CNTNAP2: variants seen among roughly 807,000 people sequenced by gnomAD.
CNTNAP2 encodes the protein contactin associated protein 2, also known as contactin-associated protein-like 2.
A neutral mutation model predicts 155.2 loss-of-function variants in CNTNAP2; 98 were observed. The ratio of observed to expected loss-of-function variants is 0.63; its 90% CI spans 0.54 to 0.75. The LOEUF is 0.75. Among genes scored for constraint, CNTNAP2 ranks in the 30% least tolerant of loss-of-function variants. CNTNAP2 has a pLI of 0.00. For synonymous variants in CNTNAP2, 651 were observed against 631.2 expected (o/e 1.03, Z -0.47); for missense variants, 1,727 against 1,688.1 (o/e 1.02, Z -0.40).
At chr7:148,412,864 C>A (rs557767355) in intron 23 of CNTNAP2, among the ~76,000 whole-genome samples, 12 of 152,268 alleles carry the variant, frequency 7.9e-5, no homozygotes, top group African/African-American at 2.6e-4. Flanking sequence ...AAAGTTTCTT[C>A]TACTCATAGT....
intron 14 of CNTNAP2, among the ~76,000 whole-genome samples, chr7:147,977,493 A>C (rs962187308): frequency 6.6e-5 from 10 of 152,164 alleles, no homozygotes; most frequent in South Asian, 2.1e-4. Flanking sequence ...ATATTATTCA[A>C]GCGACCAGGT....
intron 9 of CNTNAP2, among the ~76,000 whole-genome samples, chr7:147,363,585 A>G (rs192185361): frequency 2.0e-5 from 3 of 152,326 alleles, no homozygotes; most frequent in Admixed American, 2.0e-4. Flanking sequence ...ATGGATCTGT[A>G]TAAATCTGTA....
chr7:146,912,729 G>T (rs1054727425), intron 3 of CNTNAP2, among the ~76,000 whole-genome samples: 11 of 152,134 alleles, frequency 7.2e-5, no homozygotes, highest in Non-Finnish European at 1.2e-4. Flanking sequence ...TATTTTTCTA[G>T]ACTGTGAAAA....
intron 3 of CNTNAP2, among the ~76,000 whole-genome samples, chr7:146,905,907 G>A (rs1429352893): frequency 2.6e-5 from 4 of 152,224 alleles, no homozygotes; most frequent in Admixed American, 1.3e-4. Context: ...TCACTAGGGA[G>A]TGCCAGACAG....
intron 8 of CNTNAP2, among the ~76,000 whole-genome samples, chr7:147,294,037 C>T (rs1326239218): frequency 6.6e-6 from 1 of 152,118 alleles, no homozygotes; most frequent in Non-Finnish European, 1.5e-5. Flanking sequence ...CGAATTATAA[C>T]AATGGTACAT....
At chr7:146,139,434 G>A (rs1797845313) in intron 1 of CNTNAP2, among the ~76,000 whole-genome samples, 1 of 152,044 alleles carries the variant, frequency 6.6e-6, no homozygotes, top group Non-Finnish European at 1.5e-5. Flanking sequence ...ATTGATATTA[G>A]AATAACTTTT....
intron 12 of CNTNAP2, among the ~76,000 whole-genome samples, chr7:147,590,236 T>A (rs1410948215): frequency 6.6e-6 from 1 of 152,182 alleles, no homozygotes; most frequent in Non-Finnish European, 1.5e-5. Flanking sequence ...AAATTATTGA[T>A]AGCCTGTTAC....
intron 3 of CNTNAP2, among the ~76,000 whole-genome samples, chr7:146,897,634 T>G (rs553947638): frequency 1.3e-5 from 2 of 152,156 alleles, no homozygotes; most frequent in African/African-American, 4.8e-5. Flanking sequence ...GGAAACCTTT[T>G]GAGAGCTAAA....
intron 1 of CNTNAP2, among the ~76,000 whole-genome samples, chr7:146,405,668 G>A (rs748139638): frequency 6.6e-6 from 1 of 152,104 alleles, no homozygotes; most frequent in Admixed American, 6.5e-5. Context: ...TTTGATACTC[G>A]GAAAAATCAG....
chr7:148,095,477 A>C (rs535983805), intron 15 of CNTNAP2, among the ~76,000 whole-genome samples: 1 of 152,294 alleles, frequency 6.6e-6, no homozygotes, highest in East Asian at 1.9e-4. Flanking sequence ...AAGTACACAG[A>C]CTCCAAAACA....
chr7:146,913,293 A>G (rs890558260), intron 3 of CNTNAP2, among the ~76,000 whole-genome samples: 11 of 152,148 alleles, frequency 7.2e-5, no homozygotes, highest in Non-Finnish European at 1.5e-4. Context: ...TGAGGCTGCA[A>G]CATTGGTGCC....
chr7:146,683,026 G>C (rs1294280307), intron 1 of CNTNAP2, among the ~76,000 whole-genome samples: 1 of 151,608 alleles, frequency 6.6e-6, no homozygotes, highest in East Asian at 1.9e-4. Flanking sequence ...ATATAACATT[G>C]TATATAAAGT....
At chr7:146,893,487 G>GGGGA (rs1554405447) in intron 3 of CNTNAP2, among the ~76,000 whole-genome samples, 2 of 149,950 alleles carry the variant, frequency 1.3e-5, no homozygotes, top group African/African-American at 4.9e-5. Flanking sequence ...ATATATATAT[G>GGGGA]GAGAGAGAGA....
intron 18 of CNTNAP2, among the ~76,000 whole-genome samples, chr7:148,212,131 G>GT (rs1795562130): frequency 7.2e-6 from 1 of 138,120 alleles, no homozygotes; most frequent in East Asian, 2.6e-4. Flanking sequence ...TTTGGTTTCT[G>GT]TTTTTTGTGG....
chr7:146,790,836 T>C (rs867954647), intron 2 of CNTNAP2, among the ~76,000 whole-genome samples: 4 of 152,028 alleles, frequency 2.6e-5, no homozygotes, highest in Non-Finnish European at 5.9e-5. Context: ...CCCAAAGTGC[T>C]GGGATTACAG....
chr7:148,310,453 G>C (rs1434187267), intron 21 of CNTNAP2, among the ~76,000 whole-genome samples: 2 of 152,218 alleles, frequency 1.3e-5, no homozygotes, highest in Non-Finnish European at 2.9e-5. Context: ...GAAGTCATTA[G>C]AGAGGCTACG....
At chr7:148,367,400 T>C (rs1798804962) in intron 21 of CNTNAP2, among the ~76,000 whole-genome samples, 1 of 152,090 alleles carries the variant, frequency 6.6e-6, no homozygotes, top group Non-Finnish European at 1.5e-5. Flanking sequence ...AATGTTCTAA[T>C]ATATAATATG....
At chr7:148,071,447 C>T (rs1483477954) in intron 15 of CNTNAP2, among the ~76,000 whole-genome samples, 2 of 152,112 alleles carry the variant, frequency 1.3e-5, no homozygotes, top group Non-Finnish European at 2.9e-5. Context: ...CCACTGCACT[C>T]CAGCCTGGGT....
At chr7:146,815,778 A>G (rs1237212692) in intron 2 of CNTNAP2, among the ~76,000 whole-genome samples, 1 of 151,780 alleles carries the variant, frequency 6.6e-6, no homozygotes, top group South Asian at 2.1e-4. Context: ...TTTTTATTAT[A>G]CTTTAAGTTC....
Sources: allele counts gnomAD v4.1 joint callset (sites outside exome capture counted in the v4.1 genomes callset), GRCh38; gene constraint gnomAD v4.1.1; transcripts MANE v1.5; gene names NCBI Gene and HGNC (gene_info 2026-07-23, HGNC 2026-07-21).